Variants in ASAP3 observed in about 807,000 individuals in gnomAD.
The protein encoded by ASAP3 is ArfGAP with SH3 domain, ankyrin repeat and PH domain 3.
Under a neutral mutation model 118.2 loss-of-function variants are expected in ASAP3, and 85 were observed. The observed-to-expected ratio is 0.72, with a 90% CI of 0.60 to 0.86. The LOEUF is 0.86. Ranked by LOEUF, ASAP3 falls within the 40% of genes least tolerant of loss-of-function variation. ASAP3 has a pLI of 0.00. For missense variants in ASAP3, 1,026 were observed against 1,175.0 expected (o/e 0.87, Z 1.85); for synonymous variants, 432 against 477.4 (o/e 0.90, Z 1.24).
upstream of ASAP3, chr1:23,484,524 G>A (rs2148672151): frequency 6.3e-6 from 1 of 158,570 alleles, no homozygotes; most frequent in Non-Finnish European, 1.4e-5. Context: ...CCCCTTCAGG[G>A]CTCTGTCCCG....
intron 1 of ASAP3, chr1:23,480,257 C>T (rs991123672): frequency 2.0e-5 from 3 of 152,172 alleles, no homozygotes; most frequent in Admixed American, 6.6e-5. Context: ...TGAAGATCTC[C>T]TATTTGTGGC....
intron 1 of ASAP3, among the ~76,000 whole-genome samples, chr1:23,480,571 G>C (rs1037076587): frequency 1.3e-5 from 2 of 152,148 alleles, no homozygotes; most frequent in African/African-American, 4.8e-5. Flanking sequence ...TGGGGACTCA[G>C]GACAAACTCC....
intron 1 of ASAP3, among the ~76,000 whole-genome samples, chr1:23,468,151 C>T (rs1279574767): frequency 6.6e-6 from 1 of 151,996 alleles, no homozygotes; most frequent in Non-Finnish European, 1.5e-5. Flanking sequence ...CTCACACAGC[C>T]AAAATGTGGA....
chr1:23,458,664 G>A (rs955354908), intron 1 of ASAP3, among the ~76,000 whole-genome samples: 4 of 151,966 alleles, frequency 2.6e-5, no homozygotes, highest in Non-Finnish European at 4.4e-5. Flanking sequence ...AAGAGGTGGA[G>A]GGGAGAACGT....
intron 1 of ASAP3, among the ~76,000 whole-genome samples, chr1:23,464,030 T>A (rs1270667757): frequency 6.6e-6 from 1 of 151,936 alleles, no homozygotes; most frequent in Non-Finnish European, 1.5e-5. Context: ...TCGTTTCCCA[T>A]GAAACTGGAT....
At chr1:23,470,645 C>T (rs1397999123) in intron 1 of ASAP3, among the ~76,000 whole-genome samples, 1 of 152,228 alleles carries the variant, frequency 6.6e-6, no homozygotes, top group Non-Finnish European at 1.5e-5. Flanking sequence ...ATTTCAGGAT[C>T]CCCTGGCCTC....
rs1454121678 is a variant in ASAP3, at chr1:23,437,761, G to A, written c.1103-289C>T. 6.6e-6 allele frequency among the ~76,000 whole-genome samples: 1 copy of A among 152,112 alleles called. No homozygotes were observed. The highest frequency in any genetic ancestry group is 2.4e-5 in the African/African-American group (1 of 41,416). On this transcript the variant is annotated intron_variant, in intron 12 of 24. Transcript: ENST00000336689. The surrounding 1 kb of genome is among the most constrained non-coding windows in gnomAD (Gnocchi z 6.1). ...TTGGAACCCCAGAGAACCCAGCTCT[G>A]AGGCAGGGCATCCTCTGAACCAACT...
chr1:23,436,173 G>T lies in ASAP3; in HGVS notation c.1572-145C>A. The T allele has an allele frequency of 2.2e-6, 2 of 916,070 alleles. No individual in the cohort carries two copies. The highest frequency in any genetic ancestry group is 1.7e-5 in the South Asian group (1 of 59,406). 56.7% of individuals were successfully genotyped at this position (916,070 alleles called of 1,614,324 possible). Reference sequence around the variant, plus strand: ...AGATCTGAGGCTCCCCTCTCCCCAGGCTTTTTTTTTAGACAGTCTCACTCT... The same window carrying T: ...AGATCTGAGGCTCCCCTCTCCCCAGTCTTTTTTTTTAGACAGTCTCACTCT... On this transcript the variant is annotated intron_variant, in intron 16 of 24. Transcript: ENST00000336689. The surrounding 1 kb of genome is among the most constrained non-coding windows in gnomAD (Gnocchi z 4.2).
At chr1:23,431,603 T>C (rs1452002300) in intron 23 of ASAP3, 93 bp downstream of exon 23, 18 of 1,227,566 alleles carry the variant, frequency 1.5e-5, no homozygotes, top group Non-Finnish European at 2.0e-5. Context: ...TGACCCAGTC[T>C]TTAGGCAGGT....
chr1:23,442,741 G>A, intron 5 of ASAP3, 129 bp from the exon 6 acceptor site: 1 of 1,385,594 alleles, frequency 7.2e-7, no homozygotes, highest in Non-Finnish European at 9.6e-7. Context: ...TGGTGGGGCT[G>A]GGTACAATGA....
At chr1:23,482,505 G>A (rs1009514300) in intron 1 of ASAP3, among the ~76,000 whole-genome samples, 1 of 151,688 alleles carries the variant, frequency 6.6e-6, no homozygotes, top group African/African-American at 2.4e-5. Context: ...CTGGGAGACA[G>A]AGCAAGACTC....
chr1:23,483,347 G>A (rs979164616), intron 1 of ASAP3, among the ~76,000 whole-genome samples: 3 of 152,194 alleles, frequency 2.0e-5, no homozygotes, highest in South Asian at 2.1e-4. Flanking sequence ...TCAGAGAAGA[G>A]GAATGGAAGG....
At chr1:23,464,335 C>G (rs12142432) in intron 1 of ASAP3, among the ~76,000 whole-genome samples, 1 of 151,646 alleles carries the variant, frequency 6.6e-6, no homozygotes, top group Admixed American at 6.6e-5. Context: ...TACAGGTGCC[C>G]GCCACCATGC....
chr1:23,463,789 G>A (rs918616090), intron 1 of ASAP3, among the ~76,000 whole-genome samples: 38 of 151,948 alleles, frequency 2.5e-4, no homozygotes, highest in African/African-American at 7.5e-4. Context: ...TAGTAGAGAC[G>A]GGGTTTCACC....
In ASAP3 at chr1:23,441,655, T is replaced by C. The variant is rs766091577; in HGVS notation, c.747A>G (p.Ala249=). ...TGCCCAAGGGTGAGACCCAACTTAC[T>C]GCATGTACTGAGGCCGCCAGCTTCT... ...FIEKLAASVH[A]LHQAQEDELQ... Residue 249 remains alanine (A), a splice_region_variant and synonymous_variant, in exon 8 of 25, where the codon GCA becomes GCG. Transcript: ENST00000336689. The C allele has an allele frequency of 1.2e-6, 2 of 1,614,148 alleles. No homozygotes were observed. Among genetic ancestry groups the C allele is most frequent in the Non-Finnish European group, 1.7e-6 (2 of 1,180,032 alleles).
At chr1:23,442,371 A>G in intron 6 of ASAP3, 100 bp from the exon 7 acceptor site, 1 of 1,573,736 alleles carries the variant, frequency 6.4e-7, no homozygotes. Context: ...CCTGGCTGCG[A>G]CTGGGCCTTG....
intron 4 of ASAP3, 42 bp downstream of exon 4, chr1:23,452,655 C>A: frequency 6.3e-7 from 1 of 1,599,204 alleles, no homozygotes; most frequent in Non-Finnish European, 8.6e-7. Flanking sequence ...GCCCACCCCT[C>A]TTTTACTCTG....
At chr1:23,477,510 T>C (rs901897494) in intron 1 of ASAP3, among the ~76,000 whole-genome samples, 1 of 151,846 alleles carries the variant, frequency 6.6e-6, no homozygotes, top group African/African-American at 2.4e-5. Flanking sequence ...TGGTCAAGTA[T>C]GCACTGGGAC....
In ASAP3 at chr1:23,438,921, G is replaced by A. The variant is rs1283500975; in HGVS notation, c.1015-87C>T. The A allele has an allele frequency of 1.5e-6, 2 of 1,347,206 alleles. No homozygotes were observed. Among genetic ancestry groups the A allele is most frequent in the Admixed American group, 1.8e-5 (1 of 56,784 alleles). 83.5% of individuals were successfully genotyped at this position (1,347,206 alleles called of 1,614,324 possible). On this transcript the variant is annotated intron_variant, in intron 11 of 24. Coordinates refer to ENST00000336689, the MANE Select transcript of ASAP3 (RefSeq NM_017707.4). The surrounding 1 kb of genome is among the most constrained non-coding windows in gnomAD (Gnocchi z 4.9). ...CTCCATTTCCCACTCTGTTAAATGG[G>A]CATAATCATCCTGTTCCATTTGTGT...
Sources: gnomAD v4.1 joint callset for allele counts (sites outside exome capture counted in the v4.1 genomes callset) on GRCh38, gnomAD v4.1.1 for gene constraint, Gnocchi (gnomAD v3.1) non-coding constraint, MANE v1.5 for transcripts, NCBI Gene and HGNC (gene_info 2026-07-23, HGNC 2026-07-21) for gene names.